Variants in TRPM3 observed in about 807,000 individuals in gnomAD.
TRPM3 encodes transient receptor potential cation channel subfamily M member 3.
TRPM3 carries 77 observed loss-of-function variants against 181.2 expected under a neutral mutation model. That is an observed-to-expected ratio of 0.42 (90% confidence interval 0.35 to 0.51). TRPM3 has a LOEUF of 0.51. TRPM3 is among the 20% of genes least tolerant of loss of function. TRPM3 has a pLI of 0.01. For missense variants in TRPM3, 1,759 were observed against 2,196.7 expected, an observed-to-expected ratio of 0.80 and a Z score of 3.98; for synonymous variants, 745 against 796.4, an observed-to-expected ratio of 0.94 and a Z score of 1.09.
At chr9:71,149,064 A>G (rs1000693872) in intron 1 of TRPM3, among the ~76,000 whole-genome samples, 7 of 152,132 alleles carry the variant, frequency 4.6e-5, no homozygotes, top group Admixed American at 3.9e-4. Context: ...AATGTAATCA[A>G]CCAATTGTAA....
intron 1 of TRPM3, among the ~76,000 whole-genome samples, chr9:71,329,162 A>G (rs184432313): frequency 7.9e-4 from 121 of 152,360 alleles, no homozygotes; most frequent in Admixed American, 2.0e-3. Context: ...TGCAGCACAC[A>G]TAACAGTAAC....
intron 1 of TRPM3, among the ~76,000 whole-genome samples, chr9:70,975,241 A>C (rs2097291547): frequency 6.6e-6 from 1 of 152,170 alleles, no homozygotes; most frequent in Non-Finnish European, 1.5e-5. Context: ...ATTTTATAGT[A>C]TCATGTTAGT....
At chr9:71,117,173 C>T (rs1286797729) in intron 1 of TRPM3, among the ~76,000 whole-genome samples, 2 of 152,166 alleles carry the variant, frequency 1.3e-5, no homozygotes, top group African/African-American at 4.8e-5. Flanking sequence ...TTCCCCAGGC[C>T]TCTAATCTAA....
chr9:71,170,332 C>T (rs1210445220), intron 1 of TRPM3, among the ~76,000 whole-genome samples: 1 of 152,070 alleles, frequency 6.6e-6, no homozygotes, highest in African/African-American at 2.4e-5. Context: ...GATCAGGAGT[C>T]AGTATTAGGA....
At chr9:71,298,921 G>A (rs911443866) in intron 1 of TRPM3, among the ~76,000 whole-genome samples, 1 of 152,088 alleles carries the variant, frequency 6.6e-6, no homozygotes. Context: ...TACTTTCCTA[G>A]ATAAGAGAAT....
intron 25 of TRPM3, among the ~76,000 whole-genome samples, chr9:70,541,277 A>T (rs1271286230): frequency 6.6e-6 from 1 of 152,156 alleles, no homozygotes; most frequent in African/African-American, 2.4e-5. Flanking sequence ...TAACTGTCCT[A>T]TGGGCTCTGA....
intron 1 of TRPM3, among the ~76,000 whole-genome samples, chr9:71,075,392 G>A (rs1565137463): frequency 6.6e-6 from 1 of 152,150 alleles, no homozygotes; most frequent in African/African-American, 2.4e-5. Flanking sequence ...TAGATAAGAT[G>A]TCAAGTGGAG....
At chr9:71,068,753 A>C (rs2062287282) in intron 1 of TRPM3, among the ~76,000 whole-genome samples, 1 of 152,222 alleles carries the variant, frequency 6.6e-6, no homozygotes, top group Admixed American at 6.5e-5. Context: ...AGGAATCTGC[A>C]TTTTCAAAGG....
At position 71,163,505 on chromosome 9, in the gene TRPM3, G is replaced by A. The variant is rs539468777; in HGVS notation, c.183+283148C>T. 6.3e-4 allele frequency among the ~76,000 whole-genome samples: 96 copies of A among 152,260 alleles called. 2 individuals are homozygous for A. The South Asian group carries it at 0.019, about 31-fold the overall frequency. ...ATTTATTAGGGTAGGCAATGTCAAA[G>A]AGGAAAATTTGGAAAAGAATGATGA... is the stretch of plus-strand genomic sequence containing the variant. On this transcript the variant is annotated intron_variant, in intron 1 of 24. Coordinates refer to the TRPM3 transcript ENST00000357533.
intron 1 of TRPM3, among the ~76,000 whole-genome samples, chr9:71,392,383 G>C (rs2093082756): frequency 6.6e-6 from 1 of 152,068 alleles, no homozygotes; most frequent in Admixed American, 6.6e-5. Context: ...AATGGAAGGA[G>C]ACATGTCCAG....
intron 1 of TRPM3, among the ~76,000 whole-genome samples, chr9:71,097,064 T>C (rs1041378896): frequency 7.2e-5 from 11 of 152,176 alleles, no homozygotes; most frequent in Non-Finnish European, 1.6e-4. Context: ...GTTTCCTATG[T>C]CCTTCCCGAC....
chr9:70,950,585 G>A (rs1182656566), intron 1 of TRPM3, among the ~76,000 whole-genome samples: 1 of 152,194 alleles, frequency 6.6e-6, no homozygotes, highest in African/African-American at 2.4e-5. Context: ...AGCGTTCTTT[G>A]TGTGGAAGCA....
At chr9:70,653,040 G>C (rs1589820990) in intron 9 of TRPM3, among the ~76,000 whole-genome samples, 1 of 152,136 alleles carries the variant, frequency 6.6e-6, no homozygotes, top group Non-Finnish European at 1.5e-5. Context: ...CAGCAGAAGG[G>C]GGAAAAGCCC....
chr9:70,787,828 G>A (rs1431208585), intron 6 of TRPM3, among the ~76,000 whole-genome samples: 1 of 106,604 alleles, frequency 9.4e-6, no homozygotes, highest in Non-Finnish European at 1.9e-5. Context: ...GTTTTAAATG[G>A]TTTATTGAAG....
At chr9:71,017,827 T>C (rs1320648736) in intron 1 of TRPM3, among the ~76,000 whole-genome samples, 2 of 151,776 alleles carry the variant, frequency 1.3e-5, no homozygotes, top group Non-Finnish European at 3.0e-5. Flanking sequence ...AAGCAACAGA[T>C]TTGACCTAAC....
chr9:70,998,148 TATATATACATATATAC>T (rs199898964), intron 1 of TRPM3, among the ~76,000 whole-genome samples: 9 of 77,896 alleles, frequency 1.2e-4, no homozygotes, highest in African/African-American at 2.7e-4. Context: ...TATACACATA[TATATATACATATATAC>T]ATATATACAC....
chr9:70,967,306 G>T (rs1297578359), intron 1 of TRPM3, among the ~76,000 whole-genome samples: 1 of 152,062 alleles, frequency 6.6e-6, no homozygotes, highest in Non-Finnish European at 1.5e-5. Context: ...GGGGAGGGAA[G>T]GTTGGAAAGA....
intron 8 of TRPM3, among the ~76,000 whole-genome samples, chr9:70,757,917 C>A (rs2077374498): frequency 6.6e-6 from 1 of 152,138 alleles, no homozygotes; most frequent in South Asian, 2.1e-4. Context: ...TGAGAACTGG[C>A]ACAAGACAGG....
At chr9:71,120,078 T>C (rs1038315668) in intron 1 of TRPM3, among the ~76,000 whole-genome samples, 2 of 152,202 alleles carry the variant, frequency 1.3e-5, no homozygotes, top group Non-Finnish European at 2.9e-5. Context: ...TGGAACTAAC[T>C]GTCCCCATCA....
Sources: gnomAD v4.1 joint callset for allele counts (sites outside exome capture counted in the v4.1 genomes callset) on GRCh38, gnomAD v4.1.1 for gene constraint, MANE v1.5 for transcripts, NCBI Gene and HGNC (gene_info 2026-07-23, HGNC 2026-07-21) for gene names.